The following ZNF420 variants were observed in gnomAD, a reference collection of about 807,000 sequenced individuals.
The protein encoded by ZNF420 is zinc finger protein 420.
A neutral mutation model predicts 44.7 loss-of-function variants in ZNF420; 31 were observed. That is an observed-to-expected ratio of 0.69 (90% CI 0.52 to 0.94). ZNF420 has a LOEUF of 0.94. Ranked by LOEUF, ZNF420 falls within the 40% of genes least tolerant of loss-of-function variation. The pLI is 0.00. For synonymous variants in ZNF420, 245 were observed against 267.4 expected (o/e 0.92, Z 0.82); for missense variants, 681 against 827.9 (o/e 0.82, Z 2.18).
intron 1 of ZNF420, among the ~76,000 whole-genome samples, chr19:37,057,253 G>C (rs1391579971): frequency 6.6e-6 from 1 of 152,212 alleles, no homozygotes; most frequent in Admixed American, 6.5e-5. Flanking sequence ...CAAGCCTCAG[G>C]CCTGCCCGGA....
At chr19:37,115,087 C>T (rs943544655) in intron 4 of ZNF420, 4 of 166,884 alleles carry the variant, frequency 2.4e-5, no homozygotes, top group South Asian at 3.7e-4. Context: ...ACAAGTTTAC[C>T]GCAAAGGGTG....
rs547145103 is a variant in ZNF420, at chr19:37,027,198, A to G, written c.-125+19116A>G. Among the ~76,000 whole-genome samples, 12 of 152,308 alleles carry G rather than the reference A, an allele frequency of 7.9e-5. No individual in the cohort carries two copies. In the South Asian group the frequency reaches 2.3e-3, roughly 29 times the overall value. On this transcript the variant is annotated intron_variant, in intron 1 of 4. Transcript: ENST00000587029. Reference sequence around the variant, plus strand: ...AATTGATTCTGCAGGCTGGGCAGTGAGCTGTGATTGCACCACTGCACTCCA... The same window carrying G: ...AATTGATTCTGCAGGCTGGGCAGTGGGCTGTGATTGCACCACTGCACTCCA...
At chr19:37,012,108 G>T (rs946023592) in intron 1 of ZNF420, among the ~76,000 whole-genome samples, 3 of 152,156 alleles carry the variant, frequency 2.0e-5, no homozygotes, top group African/African-American at 7.2e-5. Flanking sequence ...ACCCTAGCAG[G>T]CGCCCTGAAG....
At chr19:37,021,892 G>A (rs1308393874) in intron 1 of ZNF420, among the ~76,000 whole-genome samples, 2 of 139,718 alleles carry the variant, frequency 1.4e-5, no homozygotes, top group African/African-American at 2.7e-5. Context: ...AGCCGAGATC[G>A]TGCCACTAAA....
intron 1 of ZNF420, among the ~76,000 whole-genome samples, chr19:37,061,217 C>G (rs1967874004): frequency 6.6e-6 from 1 of 152,208 alleles, no homozygotes; most frequent in African/African-American, 2.4e-5. Flanking sequence ...CACACTGGCT[C>G]TACTTTGGAT....
chr19:37,061,939 C>T (rs1405854240), intron 1 of ZNF420, among the ~76,000 whole-genome samples: 2 of 152,172 alleles, frequency 1.3e-5, no homozygotes, highest in Non-Finnish European at 1.5e-5. Context: ...AGCAACTTAA[C>T]AACTCTTTAA....
In ZNF420 at chr19:37,020,939, G is replaced by A. The variant is rs547942622; in HGVS notation, c.-125+12857G>A. Among the ~76,000 whole-genome samples, 21 of 152,318 alleles carry A rather than the reference G, an allele frequency of 1.4e-4. No individual in the cohort carries two copies. The South Asian group carries it at 1.7e-3, about 12-fold the overall frequency. ...GAGTTTCAGTTTTGCAAAATGAAGA[G>A]TTCTGGAAATAAATGGTGGTGGTGT... On this transcript the variant is annotated intron_variant, in intron 1 of 4. Transcript: ENST00000587029.
chr19:37,074,707 C>T (rs1276126499), upstream of ZNF420, among the ~76,000 whole-genome samples: 2 of 152,022 alleles, frequency 1.3e-5, no homozygotes, highest in Non-Finnish European at 2.9e-5. Flanking sequence ...CCTTGTTCTT[C>T]GAGATGCGTG....
intron 1 of ZNF420, among the ~76,000 whole-genome samples, chr19:37,057,763 A>T (rs1019375206): frequency 5.3e-5 from 8 of 152,068 alleles, no homozygotes; most frequent in Admixed American, 1.3e-4. Context: ...TTCTAGAATC[A>T]AGATGACCAC....
intron 1 of ZNF420, chr19:37,025,281 C>T (rs1465283568): frequency 7.8e-6 from 2 of 256,780 alleles, no homozygotes; most frequent in Non-Finnish European, 1.6e-5. Context: ...GGGTGTTTTC[C>T]TTGTTTTCTG....
chr19:37,018,381 C>T (rs1256986638), intron 1 of ZNF420, among the ~76,000 whole-genome samples: 2 of 152,108 alleles, frequency 1.3e-5, no homozygotes, highest in Non-Finnish European at 2.9e-5. Context: ...AAAAATCACA[C>T]TTTCTGATTT....
upstream of ZNF420, among the ~76,000 whole-genome samples, chr19:37,074,642 T>A: frequency 6.6e-6 from 1 of 152,200 alleles, no homozygotes; most frequent in East Asian, 1.9e-4. Flanking sequence ...ATATTATGAA[T>A]CATTGTTAAA....
intron 4 of ZNF420, among the ~76,000 whole-genome samples, chr19:37,108,096 A>G (rs892439954): frequency 3.3e-5 from 5 of 152,218 alleles, no homozygotes; most frequent in Non-Finnish European, 5.9e-5. Context: ...TTTTTGATCA[A>G]TACCAGATTG....
chr19:37,124,627 C>T (rs1971242542), intron 4 of ZNF420, among the ~76,000 whole-genome samples: 1 of 151,888 alleles, frequency 6.6e-6, no homozygotes, highest in South Asian at 2.1e-4. Flanking sequence ...TTCTTTATCA[C>T]TATAGACTCC....
intron 2 of ZNF420, among the ~76,000 whole-genome samples, chr19:37,080,774 C>T (rs1026352789): frequency 4.6e-5 from 7 of 151,880 alleles, no homozygotes; most frequent in African/African-American, 1.5e-4. Flanking sequence ...AAAACGATCA[C>T]GGCCAGGTGT....
At chr19:37,093,884 T>C (rs1322073444) in intron 4 of ZNF420, among the ~76,000 whole-genome samples, 1 of 152,162 alleles carries the variant, frequency 6.6e-6, no homozygotes, top group Non-Finnish European at 1.5e-5. Context: ...ACAGACAGCA[T>C]TTCTCTTGGG....
chr19:37,012,380 C>T (rs2074576648), intron 1 of ZNF420, among the ~76,000 whole-genome samples: 1 of 152,220 alleles, frequency 6.6e-6, no homozygotes. Flanking sequence ...CCCATGGTTG[C>T]CTAAGAAACC....
chr19:37,105,632 G>A, intron 4 of ZNF420, among the ~76,000 whole-genome samples: 1 of 152,096 alleles, frequency 6.6e-6, no homozygotes, highest in Non-Finnish European at 1.5e-5. Flanking sequence ...GATTCAGTAT[G>A]GCCATTTTAC....
intron 4 of ZNF420, among the ~76,000 whole-genome samples, chr19:37,126,188 T>C (rs1238824656): frequency 6.6e-6 from 1 of 152,190 alleles, no homozygotes; most frequent in African/African-American, 2.4e-5. Context: ...AGAAGGTTGG[T>C]CTAAATTACC....
Sources: gnomAD v4.1 joint callset for allele counts (sites outside exome capture counted in the v4.1 genomes callset) on GRCh38, gnomAD v4.1.1 for gene constraint, MANE v1.5 for transcripts, NCBI Gene and HGNC (gene_info 2026-07-23, HGNC 2026-07-21) for gene names.